The following NUP153 variants were observed in gnomAD, a reference collection of about 807,000 sequenced individuals.
NUP153 encodes the protein nucleoporin 153.
A neutral mutation model predicts 134.6 loss-of-function variants in NUP153; 27 were observed. The ratio of observed to expected loss-of-function variants is 0.20; its 90% CI spans 0.15 to 0.28. The LOEUF (loss-of-function observed/expected upper bound fraction) is 0.28, where lower values mean the gene tolerates loss of function less well. Among genes scored for constraint, NUP153 ranks in the 10% least tolerant of loss-of-function variants. The pLI is 1.00. For synonymous variants in NUP153, 640 were observed against 623.5 expected, an observed-to-expected ratio of 1.03 and a Z score of -0.40; for missense variants, 1,821 against 1,731.3, an observed-to-expected ratio of 1.05 and a Z score of -0.92.
At position 17,675,344 on chromosome 6, in the gene NUP153, G is replaced by A; in HGVS notation, c.608C>T (p.Ser203Leu). The part of the protein sequence containing the change: ...DKDITVSKNT[S>L]LPPLWSPEAE... ...TTCTGGGGACCACAGAGGTGGCAAT[G>A]AAGTGTTCTTTGAAACAGTTATATC... The change falls in exon 4 of 22, where the codon TCA becomes TTA. Residue 203 changes from serine to leucine, a missense_variant. Coordinates refer to ENST00000262077, the MANE Select transcript of NUP153 (RefSeq NM_005124.4). This position sits in a 1 kb window ranked among gnomAD's most constrained non-coding sequence, Gnocchi z 4.4. 1 of 1,613,926 alleles carries A rather than the reference G, an allele frequency of 6.2e-7. No individual in the cohort carries two copies. The highest frequency in any genetic ancestry group is 8.5e-7 in the Non-Finnish European group (1 of 1,179,930).
intron 2 of NUP153, among the ~76,000 whole-genome samples, chr6:17,686,149 A>G (rs983761884): frequency 1.7e-4 from 10 of 60,432 alleles, no homozygotes; most frequent in African/African-American, 4.7e-4. Context: ...TCTTGTCTTT[A>G]AAAAAAAGAA....
intron 18 of NUP153, among the ~76,000 whole-genome samples, chr6:17,627,251 C>T (rs1412488852): frequency 1.3e-5 from 2 of 152,114 alleles, no homozygotes; most frequent in East Asian, 3.8e-4. Context: ...TGATTAGACC[C>T]TATCATGTTT....
At chr6:17,704,021 G>T (rs892314764) in intron 1 of NUP153, among the ~76,000 whole-genome samples, 5 of 152,208 alleles carry the variant, frequency 3.3e-5, no homozygotes, top group African/African-American at 1.2e-4. Context: ...GGCCGGGCGC[G>T]GTGGCTCACG....
At chr6:17,640,130 A>G in intron 14 of NUP153, 66 bp from the exon 15 acceptor site, 3 of 1,265,220 alleles carry the variant, frequency 2.4e-6, no homozygotes, top group Non-Finnish European at 3.2e-6. Flanking sequence ...ATGCATTTTT[A>G]AAAATCTTTC....
At chr6:17,649,382 C>T (rs1421427264) in intron 11 of NUP153, 82 bp from the exon 12 acceptor site, 32 of 1,335,354 alleles carry the variant, frequency 2.4e-5, no homozygotes, top group East Asian at 1.9e-4. Context: ...TGAAAGTATA[C>T]AGGAAGAAGA....
At chr6:17,696,319 T>C (rs543083479) in intron 1 of NUP153, among the ~76,000 whole-genome samples, 4 of 152,282 alleles carry the variant, frequency 2.6e-5, no homozygotes, top group Non-Finnish European at 4.4e-5. Context: ...AAAGGTTCCT[T>C]TGACCTTACT....
chr6:17,669,968 G>A (rs1458749909), intron 5 of NUP153, among the ~76,000 whole-genome samples: 2 of 151,706 alleles, frequency 1.3e-5, no homozygotes, highest in Non-Finnish European at 2.9e-5. Context: ...GGCAGTGTGT[G>A]CCTGCAGTCC....
rs199739841 is a variant in NUP153 at position 17,616,560 on chromosome 6, G to A, written c.4310C>T (p.Pro1437Leu). 1.2e-6 allele frequency: 2 copies of A among 1,613,638 alleles called. No individual in the cohort carries two copies. Among genetic ancestry groups the A allele is most frequent in the South Asian group, 1.1e-5 (1 of 91,024 alleles). The change falls in exon 21 of 22, where the codon CCA (proline) becomes CTA (leucine). Residue 1437 changes from proline (P) to leucine (L), a missense_variant. Coordinates refer to ENST00000262077, the MANE Select transcript of NUP153 (RefSeq NM_005124.4). The part of the protein sequence containing the change: ...SAQPSGSGGF[P>L]FNQSPAAFTV... ...AAATGCTGCTGGAGACTGGTTAAATGGAAAGCCCCCCGAGCCTGAAGGCTG... is the reference window on the plus strand; with the variant it reads ...AAATGCTGCTGGAGACTGGTTAAATAGAAAGCCCCCCGAGCCTGAAGGCTG...
intron 11 of NUP153, among the ~76,000 whole-genome samples, chr6:17,655,458 C>CT (rs112496979): frequency 0.53 from 77,846 of 147,074 alleles, 20,955 homozygotes; most frequent in East Asian, 0.84. Context: ...CTTATTATTA[C>CT]TTTTTTTTTT....
intron 1 of NUP153, among the ~76,000 whole-genome samples, chr6:17,703,294 A>C (rs564912272): frequency 6.6e-5 from 10 of 152,288 alleles, no homozygotes; most frequent in African/African-American, 2.4e-4. Context: ...AAGTCAAAAC[A>C]GGAAATTACA....
At chr6:17,660,841 G>A (rs535560212) in intron 11 of NUP153, among the ~76,000 whole-genome samples, 3 of 152,260 alleles carry the variant, frequency 2.0e-5, no homozygotes, top group South Asian at 2.1e-4. Context: ...AATACTGCAC[G>A]TGTGCAGACA....
At chr6:17,688,280 C>T (rs890002427) in intron 2 of NUP153, 116 bp downstream of exon 2, 3 of 688,876 alleles carry the variant, frequency 4.4e-6, no homozygotes, top group Non-Finnish European at 7.4e-6. Context: ...TGATTATCAT[C>T]CTCTTCCCAT....
chr6:17,706,316 C>A lies in NUP153; in HGVS notation c.72G>T (p.Gly24=), dbSNP rs200171293. The stretch of plus-strand genomic sequence containing the variant: ...GCCCCTGCTGGTAAGGCTTAATTGG[C>A]CCCTGGTGGCAACGCCGCGTCCGGA... ...GKIRTRRCHQ[G]PIKPYQQGRQ... Residue 24 remains glycine, a synonymous_variant, in exon 1 of 22, where the codon GGG becomes GGT. Coordinates refer to ENST00000262077, the MANE Select transcript of NUP153 (RefSeq NM_005124.4). This position sits in a 1 kb window ranked among gnomAD's most constrained non-coding sequence, Gnocchi z 5.9. 7.6e-5 allele frequency: 122 copies of A among 1,613,504 alleles called. No homozygotes were observed. The highest frequency in any genetic ancestry group is 1.6e-4 in the Middle Eastern group (1 of 6,080).
rs1765661862 is a variant in NUP153, at chr6:17,638,213, C to T, written c.1847-443G>A. Among the ~76,000 whole-genome samples, 1 of 152,136 alleles carries T rather than the reference C, an allele frequency of 6.6e-6. No homozygotes were observed. The highest frequency in any genetic ancestry group is 2.1e-4 in the South Asian group (1 of 4,838). On this transcript the variant is annotated intron_variant, in intron 15 of 21. Coordinates refer to ENST00000262077, the MANE Select transcript of NUP153 (RefSeq NM_005124.4). This position sits in a 1 kb window ranked among gnomAD's most constrained non-coding sequence, Gnocchi z 4.0. ...ATCTTTGAATTTTGTCCAGTCATAA[C>T]CTACTGCTGTGGTATTCTCTACCTT...
chr6:17,618,874 A>C (rs894275499), intron 20 of NUP153, among the ~76,000 whole-genome samples: 2 of 152,178 alleles, frequency 1.3e-5, no homozygotes, highest in African/African-American at 4.8e-5. Context: ...CAGAAGTTAA[A>C]ATCTCAACAG....
At chr6:17,655,229 T>C (rs370509475) in intron 11 of NUP153, among the ~76,000 whole-genome samples, 69 of 152,318 alleles carry the variant, frequency 4.5e-4, no homozygotes, top group African/African-American at 1.6e-3. Context: ...GAATCCAGGA[T>C]AAGGTGAAAG....
chr6:17,626,528 T>A (rs1270438319), intron 18 of NUP153, among the ~76,000 whole-genome samples: 1 of 152,228 alleles, frequency 6.6e-6, no homozygotes, highest in Non-Finnish European at 1.5e-5. Flanking sequence ...TATTACAGTA[T>A]GTGGCAAAAT....
intron 14 of NUP153, 73 bp from the exon 15 acceptor site, chr6:17,640,137 T>G: frequency 4.3e-6 from 5 of 1,158,478 alleles, no homozygotes; most frequent in Non-Finnish European, 5.9e-6. Flanking sequence ...TTTAAAAATC[T>G]TTCAAAACCA....
In NUP153 at chr6:17,702,372, T is replaced by C. The variant is rs543181795; in HGVS notation, c.111+3905A>G. Among the ~76,000 whole-genome samples the C allele has an allele frequency of 2.6e-5, 4 of 152,212 alleles. No individual in the cohort carries two copies. The East Asian group carries it at 7.7e-4, about 29-fold the overall frequency. ...AATACAAAAAATTAGCCGGACGTGGTGGCAAGGCACCTGTAGTCCCAGCTA... is the reference window on the plus strand; with the variant it reads ...AATACAAAAAATTAGCCGGACGTGGCGGCAAGGCACCTGTAGTCCCAGCTA... On this transcript the variant is annotated intron_variant, in intron 1 of 21. Transcript: ENST00000262077.
Sources: allele counts gnomAD v4.1 joint callset (sites outside exome capture counted in the v4.1 genomes callset), GRCh38; gene constraint gnomAD v4.1.1; non-coding constraint Gnocchi (gnomAD v3.1); transcripts MANE v1.5; gene names NCBI Gene and HGNC (gene_info 2026-07-23, HGNC 2026-07-21).